Variants in PAK5 observed in about 807,000 individuals in gnomAD.
PAK5 encodes p21 (RAC1) activated kinase 5.
PAK5 carries 16 observed loss-of-function variants against 65.9 expected under a neutral mutation model. The ratio of observed to expected loss-of-function variants is 0.24; its 90% CI spans 0.16 to 0.37. The LOEUF is 0.37. Ranked by LOEUF, PAK5 falls within the 10% of genes least tolerant of loss-of-function variation. The probability of loss-of-function intolerance (pLI) is 1.00; values close to 1 mark genes in which losing one functional copy is unlikely to be tolerated. For synonymous variants in PAK5, 371 were observed against 354.9 expected (o/e 1.05, Z -0.51); for missense variants, 785 against 903.9 (o/e 0.87, Z 1.69).
At chr20:9,835,443 T>C (rs563039726) in intron 1 of PAK5, among the ~76,000 whole-genome samples, 1 of 152,234 alleles carries the variant, frequency 6.6e-6, no homozygotes, top group East Asian at 1.9e-4. Context: ...TGTGACAGCA[T>C]CAAGAGGAAG....
chr20:9,803,653 A>G (rs2049198523), intron 1 of PAK5, among the ~76,000 whole-genome samples: 1 of 152,208 alleles, frequency 6.6e-6, no homozygotes, highest in Non-Finnish European at 1.5e-5. Context: ...TTAGGCAAAC[A>G]TGATGCAATT....
chr20:9,723,201 G>C (rs1241987147), intron 1 of PAK5, among the ~76,000 whole-genome samples: 1 of 152,178 alleles, frequency 6.6e-6, no homozygotes, highest in Non-Finnish European at 1.5e-5. Flanking sequence ...TAGTTAAGAG[G>C]CTATCAAGTT....
chr20:9,838,574 C>T lies in PAK5; in HGVS notation c.-162+188G>A, dbSNP rs1979346007. On this transcript the variant is annotated intron_variant, in intron 1 of 9. Coordinates refer to ENST00000353224, the MANE Select transcript of PAK5 (RefSeq NM_177990.4). The surrounding 1 kb of genome is among the most constrained non-coding windows in gnomAD (Gnocchi z 4.5). ...AGGGTGGGCGGTCCCCTATCCCTAC[C>T]CTCCAGGCAGCAGGTCCCTAGCCTT... Among the ~76,000 whole-genome samples the T allele has an allele frequency of 6.6e-6, 1 of 152,150 alleles. No individual in the cohort carries two copies. The highest frequency in any genetic ancestry group is 2.4e-5 in the African/African-American group (1 of 41,438).
chr20:9,782,569 C>T (rs2048952044), intron 1 of PAK5, among the ~76,000 whole-genome samples: 1 of 152,250 alleles, frequency 6.6e-6, no homozygotes, highest in African/African-American at 2.4e-5. Flanking sequence ...AGTATCATTC[C>T]TTACCTCCTA....
intron 2 of PAK5, among the ~76,000 whole-genome samples, chr20:9,659,254 A>G (rs2047311480): frequency 6.6e-6 from 1 of 152,188 alleles, no homozygotes; most frequent in South Asian, 2.1e-4. Flanking sequence ...AATCTTCAAG[A>G]ATATAAAAAC....
intron 2 of PAK5, among the ~76,000 whole-genome samples, chr20:9,666,438 GAAA>G (rs113311085): frequency 2.2e-5 from 3 of 134,850 alleles, no homozygotes; most frequent in African/African-American, 8.1e-5. Flanking sequence ...AAGGCGGAAT[GAAA>G]AAAAAAAAAG....
At chr20:9,606,530 A>G (rs2123128016) in intron 3 of PAK5, among the ~76,000 whole-genome samples, 1 of 152,336 alleles carries the variant, frequency 6.6e-6, no homozygotes, top group African/African-American at 2.4e-5. Context: ...CTACAATTAT[A>G]TACAGTGGCA....
chr20:9,807,083 T>C (rs1465021706), intron 1 of PAK5, among the ~76,000 whole-genome samples: 3 of 152,164 alleles, frequency 2.0e-5, no homozygotes, highest in Non-Finnish European at 4.4e-5. Flanking sequence ...CTCCTTCTCA[T>C]ATGGACTCCC....
intron 2 of PAK5, among the ~76,000 whole-genome samples, chr20:9,677,754 T>C (rs760279791): frequency 3.0e-4 from 46 of 152,182 alleles, no homozygotes; most frequent in Non-Finnish European, 2.2e-4. Context: ...ATAATCGTAG[T>C]AGCAGTACCT....
intron 3 of PAK5, among the ~76,000 whole-genome samples, chr20:9,613,051 A>G (rs2046593292): frequency 6.6e-6 from 1 of 152,224 alleles, no homozygotes; most frequent in Admixed American, 6.5e-5. Context: ...CTCTGTGGCA[A>G]CTACTTAACT....
intron 7 of PAK5, 91 bp downstream of exon 7, chr20:9,557,517 G>C (rs1603205877): frequency 9.3e-7 from 1 of 1,071,424 alleles, no homozygotes; most frequent in Non-Finnish European, 1.3e-6. Context: ...AGAAAAATTA[G>C]AGTTATAAAA....
At chr20:9,742,168 C>T (rs988350231) in intron 1 of PAK5, among the ~76,000 whole-genome samples, 7 of 152,028 alleles carry the variant, frequency 4.6e-5, no homozygotes, top group African/African-American at 1.7e-4. Flanking sequence ...AGGATCCTCC[C>T]CCCACCCCAA....
chr20:9,635,262 T>C (rs2046969796), intron 3 of PAK5, among the ~76,000 whole-genome samples: 1 of 152,230 alleles, frequency 6.6e-6, no homozygotes, highest in Non-Finnish European at 1.5e-5. Flanking sequence ...CAGGATTACA[T>C]ATTAGATCAA....
intron 2 of PAK5, among the ~76,000 whole-genome samples, chr20:9,693,003 GC>G (rs1684260728): frequency 6.6e-6 from 1 of 152,140 alleles, no homozygotes; most frequent in Non-Finnish European, 1.5e-5. Context: ...TGCCACAGTA[GC>G]AATGCTAGTT....
chr20:9,788,549 G>A (rs1569088213), intron 1 of PAK5, among the ~76,000 whole-genome samples: 1 of 151,994 alleles, frequency 6.6e-6, no homozygotes, highest in Non-Finnish European at 1.5e-5. Flanking sequence ...TCTATAAAAG[G>A]TATTGTTTGG....
At chr20:9,575,042 A>C (rs914175495) in intron 4 of PAK5, among the ~76,000 whole-genome samples, 1 of 152,168 alleles carries the variant, frequency 6.6e-6, no homozygotes, top group African/African-American at 2.4e-5. Context: ...TGAATCAGTA[A>C]ATTATTGATG....
chr20:9,785,252 AG>A (rs2048980718), intron 1 of PAK5, among the ~76,000 whole-genome samples: 2 of 152,170 alleles, frequency 1.3e-5, no homozygotes, highest in African/African-American at 4.8e-5. Context: ...TTCTCCCCAA[AG>A]GTGGCAAATT....
intron 3 of PAK5, among the ~76,000 whole-genome samples, chr20:9,624,380 C>T: frequency 6.6e-6 from 1 of 151,800 alleles, no homozygotes; most frequent in East Asian, 1.9e-4. Flanking sequence ...TAATGCTGAA[C>T]AAATTGAATG....
At chr20:9,627,776 G>A (rs1025747214) in intron 3 of PAK5, among the ~76,000 whole-genome samples, 16 of 151,972 alleles carry the variant, frequency 1.1e-4, no homozygotes, top group African/African-American at 3.4e-4. Context: ...ACAGGTGCCC[G>A]CCACCACACC....
Sources: allele counts gnomAD v4.1 joint callset (sites outside exome capture counted in the v4.1 genomes callset), GRCh38; gene constraint gnomAD v4.1.1; non-coding constraint Gnocchi (gnomAD v3.1); transcripts MANE v1.5; gene names NCBI Gene and HGNC (gene_info 2026-07-23, HGNC 2026-07-21).